Variants in ZNF567 observed in about 807,000 individuals in gnomAD.
ZNF567 encodes zinc finger protein 567.
A neutral mutation model predicts 53.9 loss-of-function variants in ZNF567; 36 were observed. The observed-to-expected ratio is 0.67, with a 90% confidence interval of 0.51 to 0.88. The LOEUF is 0.88. ZNF567 is among the 40% of genes least tolerant of loss of function. The pLI is 0.00. For missense variants in ZNF567, 619 were observed against 764.7 expected (o/e 0.81, Z 2.25); for synonymous variants, 224 against 260.4 (o/e 0.86, Z 1.35).
the ZNF567 span, among the ~76,000 whole-genome samples, chr19:36,667,862 G>T: frequency 6.6e-6 from 1 of 151,834 alleles, no homozygotes; most frequent in Non-Finnish European, 1.5e-5. Context: ...TGTTAGCCAG[G>T]ATGGTCTCGA....
At chr19:36,722,846 G>A (rs574390673), downstream of ZNF567, among the ~76,000 whole-genome samples, 258 of 152,178 alleles carry the variant, frequency 1.7e-3, 1 homozygote, top group Non-Finnish European at 2.0e-3. Context: ...CTTGATAGTA[G>A]CACACAGAAA....
chr19:36,724,939 T>A (rs1003094082), downstream of ZNF567, among the ~76,000 whole-genome samples: 1 of 152,082 alleles, frequency 6.6e-6, no homozygotes, highest in Non-Finnish European at 1.5e-5. Context: ...AAAACCTTTT[T>A]TGTGGGTGTC....
the ZNF567 span, chr19:36,666,965 C>T: frequency 2.0e-4 from 31 of 152,486 alleles, no homozygotes; most frequent in African/African-American, 1.7e-4. Context: ...GTGACGCCAA[C>T]CTGTTAATGT....
At chr19:36,669,493 A>G in the ZNF567 span, 2 of 152,170 alleles carry the variant, frequency 1.3e-5, no homozygotes, top group East Asian at 3.8e-4. Context: ...AAATAATCAG[A>G]CCTTTCAGGG....
chr19:36,679,678 A>C, the ZNF567 span, among the ~76,000 whole-genome samples: 1 of 152,236 alleles, frequency 6.6e-6, no homozygotes, highest in African/African-American at 2.4e-5. Context: ...ATTTGCAACA[A>C]CATGGGTATA....
intron 3 of ZNF567, among the ~76,000 whole-genome samples, chr19:36,695,958 G>C (rs192121797): frequency 1.3e-5 from 2 of 152,152 alleles, no homozygotes; most frequent in Non-Finnish European, 2.9e-5. Flanking sequence ...GGATGGAAAC[G>C]TGATTGGCAA....
At chr19:36,703,219 A>T (rs1424270382) in intron 3 of ZNF567, among the ~76,000 whole-genome samples, 1 of 152,200 alleles carries the variant, frequency 6.6e-6, no homozygotes, top group South Asian at 2.1e-4. Context: ...GGGTATCAGC[A>T]GCAGTGTCTG....
chr19:36,667,040 C>T, the ZNF567 span, among the ~76,000 whole-genome samples: 1 of 152,190 alleles, frequency 6.6e-6, no homozygotes, highest in Non-Finnish European at 1.5e-5. Context: ...ACAGTGGCTG[C>T]CCCGAACCCC....
At chr19:36,717,212 T>C (rs1027826614) in intron 5 of ZNF567, among the ~76,000 whole-genome samples, 3 of 152,182 alleles carry the variant, frequency 2.0e-5, no homozygotes, top group Non-Finnish European at 4.4e-5. Flanking sequence ...GAAATATTTA[T>C]GTCAAAGTGT....
At chr19:36,682,084 CG>C in the ZNF567 span, among the ~76,000 whole-genome samples, 2 of 151,792 alleles carry the variant, frequency 1.3e-5, no homozygotes, top group African/African-American at 4.8e-5. Context: ...AAGATCAGCC[CG>C]GGGAACATAG....
chr19:36,715,500 AATAATAATAATT>A (rs1243029495), intron 5 of ZNF567, among the ~76,000 whole-genome samples: 244 of 74,672 alleles, frequency 3.3e-3, no homozygotes, highest in African/African-American at 7.1e-3. Flanking sequence ...TAATAATAAT[AATAATAATAATT>A]ATTATTATTA....
At chr19:36,723,323 C>A, downstream of ZNF567, 1 of 689,962 alleles carries the variant, frequency 1.4e-6, no homozygotes, top group Non-Finnish European at 2.6e-6. Flanking sequence ...GTGGCTACCA[C>A]AAAAAATAAA....
At chr19:36,704,441 A>G (rs1001269956) in intron 3 of ZNF567, among the ~76,000 whole-genome samples, 1 of 152,146 alleles carries the variant, frequency 6.6e-6, no homozygotes, top group South Asian at 2.1e-4. Flanking sequence ...ACAAAAAACA[A>G]AAAAAGTGTT....
the ZNF567 span, among the ~76,000 whole-genome samples, chr19:36,681,349 C>A: frequency 6.6e-6 from 1 of 152,208 alleles, no homozygotes; most frequent in East Asian, 1.9e-4. Context: ...TTAAGGGTCC[C>A]TTTTACATAT....
downstream of ZNF567, among the ~76,000 whole-genome samples, chr19:36,722,439 C>G (rs1351093476): frequency 6.6e-6 from 1 of 151,906 alleles, no homozygotes; most frequent in Non-Finnish European, 1.5e-5. Flanking sequence ...GTAGCTGGTA[C>G]TACAGGCACG....
chr19:36,708,998 A>G (rs969250105), intron 3 of ZNF567, among the ~76,000 whole-genome samples: 2 of 152,328 alleles, frequency 1.3e-5, no homozygotes, highest in South Asian at 4.1e-4. Flanking sequence ...AAATATATCA[A>G]TCTTGCCACA....
chr19:36,684,797 A>G (rs756533723), upstream of ZNF567, among the ~76,000 whole-genome samples: 13 of 152,164 alleles, frequency 8.5e-5, no homozygotes, highest in Non-Finnish European at 1.5e-4. Flanking sequence ...GAAGTCAAGA[A>G]AGTATTCTGA....
At chr19:36,697,746 G>C (rs1370871389) in intron 3 of ZNF567, among the ~76,000 whole-genome samples, 1 of 151,666 alleles carries the variant, frequency 6.6e-6, no homozygotes, top group Non-Finnish European at 1.5e-5. Flanking sequence ...CACGTAGCTG[G>C]GATTACAGGC....
intron 3 of ZNF567, 111 bp downstream of exon 3, chr19:36,694,987 CA>C: frequency 1.6e-6 from 2 of 1,229,718 alleles, no homozygotes; most frequent in Non-Finnish European, 2.2e-6. Context: ...TCTTTCCCTT[CA>C]GAAAACTGGT....
Sources: gnomAD v4.1 joint callset for allele counts (sites outside exome capture counted in the v4.1 genomes callset) on GRCh38, gnomAD v4.1.1 for gene constraint, MANE v1.5 for transcripts, NCBI Gene and HGNC (gene_info 2026-07-23, HGNC 2026-07-21) for gene names.